NBEAL1: variants seen among roughly 807,000 people sequenced by gnomAD.
The protein encoded by NBEAL1 is neurobeachin-like protein 1.
NBEAL1 carries 273 observed loss-of-function variants against 351.3 expected under a neutral mutation model. The observed-to-expected ratio is 0.78, with a 90% CI of 0.70 to 0.86. The LOEUF (loss-of-function observed/expected upper bound fraction) is 0.86, where lower values mean the gene tolerates loss of function less well. NBEAL1 is among the 40% of genes least tolerant of loss of function. NBEAL1 has a pLI of 0.00. For synonymous variants in NBEAL1, 1,050 were observed against 1,086.4 expected, an observed-to-expected ratio of 0.97 and a Z score of 0.66; for missense variants, 2,961 against 3,201.3, an observed-to-expected ratio of 0.92 and a Z score of 1.81.
rs1310163829 is a variant in NBEAL1, at chr2:203,190,374, C to T, written c.6906C>T (p.Pro2302=). 6.2e-7 allele frequency: 1 copy of T among 1,608,784 alleles called. No homozygotes were observed. Among genetic ancestry groups the T allele is most frequent in the Non-Finnish European group, 8.5e-7 (1 of 1,177,684 alleles). Residue 2302 remains proline (P), a synonymous_variant, in exon 46 of 56, where the codon CCC becomes CCT. Transcript: ENST00000683969. ...TGATTAATAATTTTGGGCAAACACC[C>T]TGTCAATTATTAAAGGTAAGTCAAC... ...EGMINNFGQT[P]CQLLKEPHPP...
intron 18 of NBEAL1, among the ~76,000 whole-genome samples, chr2:203,117,326 G>A (rs182823259): frequency 6.6e-5 from 10 of 152,000 alleles, no homozygotes; most frequent in Admixed American, 1.3e-4. Context: ...AGCCAGGCGC[G>A]GTGGCGGGCG....
intron 42 of NBEAL1, among the ~76,000 whole-genome samples, chr2:203,177,468 A>G (rs949934370): frequency 6.6e-6 from 1 of 152,132 alleles, no homozygotes; most frequent in African/African-American, 2.4e-5. Flanking sequence ...CTAAATAAAC[A>G]TTTCTTCAAA....
At chr2:203,192,401 T>C (rs1403880995) in intron 46 of NBEAL1, among the ~76,000 whole-genome samples, 1 of 148,880 alleles carries the variant, frequency 6.7e-6, no homozygotes, top group African/African-American at 2.5e-5. Flanking sequence ...TTTTTTTTTT[T>C]GAGAGGGAGT....
intron 2 of NBEAL1, among the ~76,000 whole-genome samples, chr2:203,031,280 A>C (rs550587842): frequency 6.6e-6 from 1 of 152,222 alleles, no homozygotes; most frequent in African/African-American, 2.4e-5. Context: ...TTTCAAGTTT[A>C]TAAAGCACTA....
chr2:203,126,562 A>G lies in NBEAL1; in HGVS notation c.2991A>G (p.Pro997=), dbSNP rs2062940070. The change falls in exon 22 of 56, where the codon CCA becomes CCG. Residue 997 remains proline, a synonymous_variant. Coordinates refer to ENST00000683969, the MANE Select transcript of NBEAL1 (RefSeq NM_001378026.1). ...CCTCTTCTGTTTGGTTTCAGGTGCC[A>G]AGCACCTTGATGGATGTTAATGTGT... ...ATLGALLQKV[P]STLMDVNVLM... The G allele has an allele frequency of 6.9e-7, 1 of 1,455,620 alleles. No individual in the cohort carries two copies. Among genetic ancestry groups the G allele is most frequent in the African/African-American group, 1.4e-5 (1 of 69,798 alleles). 90.2% of individuals were successfully genotyped at this position (1,455,620 alleles called of 1,614,324 possible).
At chr2:203,122,409 G>A in intron 19 of NBEAL1, 66 bp downstream of exon 19, 1 of 1,039,230 alleles carries the variant, frequency 9.6e-7, no homozygotes. Flanking sequence ...TAAGGATTTT[G>A]TTTTTAAAGC....
chr2:203,135,855 A>G lies in NBEAL1; in HGVS notation c.3992A>G (p.Asp1331Gly). The G allele has an allele frequency of 1.2e-6, 2 of 1,614,116 alleles. No individual in the cohort carries two copies. Among genetic ancestry groups the G allele is most frequent in the Non-Finnish European group, 1.7e-6 (2 of 1,179,986 alleles). ...AATGATAAAAATATGTCAACTGAAG[A>G]TACCAAGAAGAACTCTGATGAAAAA... is the stretch of plus-strand genomic sequence containing the variant. ...KDNDKNMSTE[D>G]TKKNSDEKTD... Residue 1331 changes from aspartate to glycine, a missense_variant, in exon 28 of 56, where the codon GAT becomes GGT. Asp to Gly is a moderately conservative substitution (Grantham distance 94). Transcript: ENST00000683969.
At chr2:203,168,709 C>T (rs1266351212) in intron 38 of NBEAL1, among the ~76,000 whole-genome samples, 2 of 152,164 alleles carry the variant, frequency 1.3e-5, no homozygotes, top group East Asian at 1.9e-4. Context: ...GCCTGCCCAA[C>T]ATGGTGAAAC....
At chr2:203,041,966 TC>T (rs1204681667) in intron 3 of NBEAL1, 110 bp downstream of exon 3, 1 of 724,746 alleles carries the variant, frequency 1.4e-6, no homozygotes, top group African/African-American at 1.8e-5. Context: ...CTCTTGATAC[TC>T]ATGAATAACC....
Position 203,219,912 on chromosome 2 carries a change from A to G in NBEAL1, c.*2558A>G, listed in dbSNP as rs2065937057. The G allele has an allele frequency of 6.6e-6, 1 of 152,196 alleles. No homozygotes were observed. Among genetic ancestry groups the G allele is most frequent in the African/African-American group, 2.4e-5 (1 of 41,450 alleles). 9.4% of individuals were successfully genotyped at this position (152,196 alleles called of 1,614,324 possible). ...AGAAAAATCTTTGAGAATACTAGCA[A>G]CAGTCTAGAGAATGGAACTTAAATT... On this transcript the variant is annotated 3_prime_UTR_variant, in exon 56 of 56. Coordinates refer to ENST00000683969, the MANE Select transcript of NBEAL1 (RefSeq NM_001378026.1).
intron 12 of NBEAL1, among the ~76,000 whole-genome samples, chr2:203,105,773 T>C (rs1377295849): frequency 6.6e-6 from 1 of 152,156 alleles, no homozygotes; most frequent in African/African-American, 2.4e-5. Context: ...TAAAAGACAT[T>C]AATGATTGAA....
In NBEAL1 at chr2:203,060,388, T is replaced by C. The variant is rs141416868; in HGVS notation, c.515+2935T>C. On this transcript the variant is annotated intron_variant, in intron 6 of 55. Coordinates refer to ENST00000683969, the MANE Select transcript of NBEAL1 (RefSeq NM_001378026.1). ...TTTCCCATATAAAGTAGAAAACATA[T>C]ACGGATAACCAAAACTTGCCACATG... 4.7e-3 allele frequency among the ~76,000 whole-genome samples: 713 copies of C among 152,224 alleles called. 6 individuals are homozygous for C. Among genetic ancestry groups the C allele is most frequent in the African/African-American group, 0.016 (677 of 41,564 alleles).
intron 31 of NBEAL1, among the ~76,000 whole-genome samples, chr2:203,143,347 G>A (rs987933836): frequency 6.9e-6 from 1 of 145,256 alleles, no homozygotes; most frequent in Non-Finnish European, 1.5e-5. Flanking sequence ...AGGGTAGTTC[G>A]GTTTCTGATC....
rs546466558 is a variant in NBEAL1 at position 203,170,865 on chromosome 2, A to G, written c.6102+1014A>G. On this transcript the variant is annotated intron_variant, in intron 39 of 55. Coordinates refer to ENST00000683969, the MANE Select transcript of NBEAL1 (RefSeq NM_001378026.1). The stretch of plus-strand genomic sequence containing the variant: ...CTGAGGATAATTAATGTAATGTTTC[A>G]TTAAAATAGTTGGATAGTTTTAATA... Among the ~76,000 whole-genome samples, 8 of 152,354 alleles carry G rather than the reference A, an allele frequency of 5.3e-5. No individual in the cohort carries two copies. In the South Asian group the frequency reaches 1.7e-3, roughly 32 times the overall value.
intron 46 of NBEAL1, among the ~76,000 whole-genome samples, chr2:203,193,223 C>G (rs2065146005): frequency 6.6e-6 from 1 of 152,120 alleles, no homozygotes; most frequent in South Asian, 2.1e-4. Context: ...CCGCCCACCT[C>G]AGCCTCCCGA....
chr2:203,118,701 C>T (rs1382031405), intron 18 of NBEAL1, among the ~76,000 whole-genome samples: 1 of 151,786 alleles, frequency 6.6e-6, no homozygotes, highest in East Asian at 1.9e-4. Flanking sequence ...AAGCGATTCT[C>T]TTGCCTCAGC....
At chr2:203,166,344 A>G in intron 37 of NBEAL1, 47 bp downstream of exon 37, 1 of 1,498,696 alleles carries the variant, frequency 6.7e-7, no homozygotes, top group Non-Finnish European at 9.1e-7. Context: ...ATAATTAAGT[A>G]TCTAATTTAT....
At chr2:203,110,349 A>G in intron 15 of NBEAL1, 67 bp downstream of exon 15, 1 of 1,479,392 alleles carries the variant, frequency 6.8e-7, no homozygotes. Context: ...ATTGTCATAA[A>G]TTCAACAGCA....
intron 10 of NBEAL1, among the ~76,000 whole-genome samples, chr2:203,091,133 C>G (rs1302402172): frequency 6.6e-6 from 1 of 152,134 alleles, no homozygotes; most frequent in Non-Finnish European, 1.5e-5. Flanking sequence ...TTAAACAGCT[C>G]CCTGGTTTCC....
Sources: gnomAD v4.1 joint callset for allele counts (sites outside exome capture counted in the v4.1 genomes callset) on GRCh38, gnomAD v4.1.1 for gene constraint, MANE v1.5 for transcripts, NCBI Gene and HGNC (gene_info 2026-07-23, HGNC 2026-07-21) for gene names.